The following GPC6 variants were observed in gnomAD, a reference collection of about 807,000 sequenced individuals.
The protein encoded by GPC6 is glypican 6, also known as glypican-6.
GPC6 carries 14 observed loss-of-function variants against 55.2 expected under a neutral mutation model. The observed-to-expected ratio is 0.25, with a 90% CI of 0.17 to 0.40. The LOEUF (loss-of-function observed/expected upper bound fraction) is 0.40. GPC6 is among the 10% of genes least tolerant of loss of function. The probability of loss-of-function intolerance (pLI) is 1.00; values close to 1 mark genes in which losing one functional copy is unlikely to be tolerated. For missense variants in GPC6, 641 were observed against 708.5 expected, an observed-to-expected ratio of 0.90 and a Z score of 1.08; for synonymous variants, 278 against 259.6, an observed-to-expected ratio of 1.07 and a Z score of -0.68.
chr13:93,924,452 C>CT (rs1237028958), intron 3 of GPC6, among the ~76,000 whole-genome samples: 1 of 152,248 alleles, frequency 6.6e-6, no homozygotes, highest in Middle Eastern at 3.4e-3. Context: ...AAACCAAATG[C>CT]TTTTTTTCCC....
chr13:94,319,536 C>T (rs1017071980), intron 6 of GPC6, among the ~76,000 whole-genome samples: 1 of 152,298 alleles, frequency 6.6e-6, no homozygotes, highest in African/African-American at 2.4e-5. Flanking sequence ...ATTCCTTTTG[C>T]GTAAAACCAT....
At chr13:94,248,187 T>G (rs1891253300) in intron 4 of GPC6, among the ~76,000 whole-genome samples, 2 of 152,144 alleles carry the variant, frequency 1.3e-5, no homozygotes, top group Non-Finnish European at 2.9e-5. Flanking sequence ...TTACAAGCCA[T>G]TGGTAATGAA....
At chr13:93,858,091 A>G (rs575514172) in intron 3 of GPC6, among the ~76,000 whole-genome samples, 2 of 151,704 alleles carry the variant, frequency 1.3e-5, no homozygotes, top group South Asian at 4.1e-4. Context: ...AATAATATTA[A>G]TTATAATGTA....
intron 4 of GPC6, among the ~76,000 whole-genome samples, chr13:94,202,019 C>T (rs1192867012): frequency 3.3e-5 from 5 of 152,248 alleles, no homozygotes; most frequent in South Asian, 4.1e-4. Context: ...TCTCTGAATA[C>T]TGGGTTCTGA....
At chr13:94,323,836 G>A (rs937051865) in intron 6 of GPC6, among the ~76,000 whole-genome samples, 6 of 152,118 alleles carry the variant, frequency 3.9e-5, no homozygotes, top group Non-Finnish European at 5.9e-5. Flanking sequence ...TTTATTCAGT[G>A]ACTCTTCAAC....
At chr13:93,333,262 T>C (rs1879917536) in intron 1 of GPC6, among the ~76,000 whole-genome samples, 2 of 152,176 alleles carry the variant, frequency 1.3e-5, no homozygotes, top group African/African-American at 4.8e-5. Context: ...AGGGATTGCA[T>C]TGAATCTGTA....
chr13:93,275,364 G>C (rs1388906253), intron 1 of GPC6, among the ~76,000 whole-genome samples: 2 of 152,084 alleles, frequency 1.3e-5, no homozygotes, highest in Non-Finnish European at 2.9e-5. Context: ...ATTTTATGAG[G>C]CATGGAAATG....
chr13:94,229,419 C>A (rs1890652888), intron 4 of GPC6, among the ~76,000 whole-genome samples: 1 of 152,140 alleles, frequency 6.6e-6, no homozygotes, highest in Admixed American at 6.6e-5. Flanking sequence ...TCAATTTTGG[C>A]ATCCAACCAT....
At chr13:93,945,819 G>C (rs956842877) in intron 3 of GPC6, among the ~76,000 whole-genome samples, 1 of 152,154 alleles carries the variant, frequency 6.6e-6, no homozygotes, top group Non-Finnish European at 1.5e-5. Context: ...ATTGACAAAT[G>C]AATGTAGTTC....
intron 1 of GPC6, among the ~76,000 whole-genome samples, chr13:93,324,632 A>G (rs911310165): frequency 2.7e-5 from 4 of 146,676 alleles, no homozygotes; most frequent in African/African-American, 7.4e-5. Flanking sequence ...AGCAGCCTAG[A>G]CAACAAAATA....
At chr13:93,875,284 A>G (rs986243005) in intron 3 of GPC6, among the ~76,000 whole-genome samples, 6 of 151,968 alleles carry the variant, frequency 3.9e-5, no homozygotes, top group African/African-American at 7.2e-5. Context: ...TTCTACTTCT[A>G]TTTACCCGCA....
chr13:93,354,349 A>ACT (rs1880751532), intron 1 of GPC6, among the ~76,000 whole-genome samples: 1 of 115,820 alleles, frequency 8.6e-6, no homozygotes, highest in African/African-American at 3.5e-5. Flanking sequence ...CCGTTGGTAG[A>ACT]TTTTTTTTTT....
intron 7 of GPC6, among the ~76,000 whole-genome samples, chr13:94,388,037 T>C (rs150002991): frequency 6.6e-6 from 1 of 152,162 alleles, no homozygotes; most frequent in Non-Finnish European, 1.5e-5. Context: ...CCACTTGGAG[T>C]AGCAAGGCTT....
intron 1 of GPC6, among the ~76,000 whole-genome samples, chr13:93,338,415 G>A (rs1880118304): frequency 6.6e-6 from 1 of 152,130 alleles, no homozygotes; most frequent in African/African-American, 2.4e-5. Flanking sequence ...ATCTTGTTCT[G>A]ATTAGTGCCC....
chr13:93,310,480 C>A (rs906687415), intron 1 of GPC6, among the ~76,000 whole-genome samples: 2 of 152,154 alleles, frequency 1.3e-5, no homozygotes, highest in African/African-American at 4.8e-5. Flanking sequence ...TTCTGTATTA[C>A]CATGTCGAGT....
At chr13:93,251,334 A>G (rs572881705) in intron 1 of GPC6, among the ~76,000 whole-genome samples, 1 of 152,324 alleles carries the variant, frequency 6.6e-6, no homozygotes, top group Middle Eastern at 3.4e-3. Context: ...TAAAGAGATG[A>G]TGTAACAGAC....
At chr13:94,344,814 A>G (rs1054626721) in intron 6 of GPC6, among the ~76,000 whole-genome samples, 2 of 152,258 alleles carry the variant, frequency 1.3e-5, no homozygotes, top group South Asian at 2.1e-4. Flanking sequence ...TAAAAATTAC[A>G]CTTGAAAAGA....
At chr13:93,837,052 A>T (rs1424854615) in intron 3 of GPC6, among the ~76,000 whole-genome samples, 1 of 152,216 alleles carries the variant, frequency 6.6e-6, no homozygotes, top group Non-Finnish European at 1.5e-5. Context: ...ATCTTGCAAA[A>T]TGTATAGCCT....
intron 4 of GPC6, among the ~76,000 whole-genome samples, chr13:94,194,565 C>A (rs894507572): frequency 2.0e-5 from 3 of 151,934 alleles, no homozygotes; most frequent in African/African-American, 7.3e-5. Context: ...GATGCAAAGG[C>A]ATAAGAATGA....
Sources: allele counts gnomAD v4.1 joint callset (sites outside exome capture counted in the v4.1 genomes callset), GRCh38; gene constraint gnomAD v4.1.1; transcripts MANE v1.5; gene names NCBI Gene and HGNC (gene_info 2026-07-23, HGNC 2026-07-21).